AFF3: variants seen among roughly 807,000 people sequenced by gnomAD.
The protein encoded by AFF3 is AF4/FMR2 family member 3.
Under a neutral mutation model 129.7 loss-of-function variants are expected in AFF3, and 32 were observed. That is an observed-to-expected ratio of 0.25 (90% confidence interval 0.19 to 0.33). The LOEUF is 0.33. Among genes scored for constraint, AFF3 ranks in the 10% least tolerant of loss-of-function variants. AFF3 has a pLI of 1.00. For missense variants in AFF3, 1,373 were observed against 1,592.0 expected (o/e 0.86, Z 2.34); for synonymous variants, 644 against 635.4 (o/e 1.01, Z -0.20).
intron 4 of AFF3, among the ~76,000 whole-genome samples, chr2:100,068,845 A>G (rs987848094): frequency 6.6e-6 from 1 of 152,214 alleles, no homozygotes; most frequent in Non-Finnish European, 1.5e-5. Flanking sequence ...CAAGGTCCCC[A>G]TGACAGTCAC....
chr2:99,881,933 G>A (rs911146926), intron 7 of AFF3, among the ~76,000 whole-genome samples: 10 of 152,308 alleles, frequency 6.6e-5, no homozygotes, highest in South Asian at 4.1e-4. Flanking sequence ...ATTTATGCAT[G>A]AGCACACACA....
intron 7 of AFF3, among the ~76,000 whole-genome samples, chr2:99,932,959 T>C (rs780948623): frequency 6.6e-6 from 1 of 152,200 alleles, no homozygotes; most frequent in East Asian, 1.9e-4. Context: ...ATGTTAAATA[T>C]GCTCCTAGAA....
chr2:100,037,850 A>C (rs543573101), intron 4 of AFF3, among the ~76,000 whole-genome samples: 1 of 142,884 alleles, frequency 7.0e-6, no homozygotes, highest in African/African-American at 2.6e-5. Flanking sequence ...TTACAAATAA[A>C]CATATATAAT....
intron 7 of AFF3, among the ~76,000 whole-genome samples, chr2:99,843,612 G>A (rs1488442492): frequency 1.3e-5 from 2 of 152,134 alleles, no homozygotes; most frequent in African/African-American, 2.4e-5. Flanking sequence ...TCCTTTTAAT[G>A]TATTGTATCA....
intron 4 of AFF3, among the ~76,000 whole-genome samples, chr2:100,038,700 C>A (rs1038516173): frequency 7.3e-5 from 11 of 151,546 alleles, no homozygotes; most frequent in Non-Finnish European, 1.0e-4. Flanking sequence ...TGGGACTATG[C>A]AGCATATTTA....
chr2:99,589,035 A>G (rs976187753), intron 15 of AFF3, among the ~76,000 whole-genome samples: 1 of 152,232 alleles, frequency 6.6e-6, no homozygotes, highest in African/African-American at 2.4e-5. Flanking sequence ...AATTTTATGT[A>G]AGTCTTTCTG....
At chr2:99,841,275 T>C (rs2105814067) in intron 7 of AFF3, among the ~76,000 whole-genome samples, 1 of 152,326 alleles carries the variant, frequency 6.6e-6, no homozygotes, top group Admixed American at 6.5e-5. Flanking sequence ...GAGAGAGAAA[T>C]GCAGGATAGA....
chr2:99,713,051 A>G (rs1373533620), intron 11 of AFF3, among the ~76,000 whole-genome samples: 1 of 152,230 alleles, frequency 6.6e-6, no homozygotes, highest in Non-Finnish European at 1.5e-5. Flanking sequence ...GTAAAGAGAC[A>G]GCAATGGTGA....
chr2:99,880,004 T>C (rs1692588727), intron 7 of AFF3, among the ~76,000 whole-genome samples: 1 of 152,232 alleles, frequency 6.6e-6, no homozygotes, highest in Non-Finnish European at 1.5e-5. Flanking sequence ...TAATTGCTAA[T>C]GAAGCCAGAC....
At chr2:100,044,057 C>T (rs1038786499) in intron 4 of AFF3, among the ~76,000 whole-genome samples, 8 of 152,198 alleles carry the variant, frequency 5.3e-5, no homozygotes, top group Non-Finnish European at 1.0e-4. Context: ...GAGCTCACCG[C>T]GGCAGTTTCC....
At chr2:100,009,802 C>G (rs1425522107) in intron 4 of AFF3, among the ~76,000 whole-genome samples, 1 of 152,176 alleles carries the variant, frequency 6.6e-6, no homozygotes, top group Non-Finnish European at 1.5e-5. Context: ...AGGAAATGCA[C>G]TTGTTTTTCT....
At chr2:99,988,266 T>C (rs920734307) in intron 7 of AFF3, among the ~76,000 whole-genome samples, 3 of 152,120 alleles carry the variant, frequency 2.0e-5, no homozygotes, top group African/African-American at 7.2e-5. Flanking sequence ...ATAAAGAAGA[T>C]TTAGTGCCAG....
At chr2:99,849,432 A>T (rs1334559586) in intron 7 of AFF3, among the ~76,000 whole-genome samples, 1 of 152,134 alleles carries the variant, frequency 6.6e-6, no homozygotes, top group Non-Finnish European at 1.5e-5. Context: ...GTAGGCAGGA[A>T]CATGGACCTT....
At chr2:99,960,794 C>G (rs1677145978) in intron 7 of AFF3, among the ~76,000 whole-genome samples, 1 of 152,134 alleles carries the variant, frequency 6.6e-6, no homozygotes. Context: ...TGGATGTCAG[C>G]AGCAGTGCAC....
intron 7 of AFF3, among the ~76,000 whole-genome samples, chr2:99,941,797 A>G (rs897923034): frequency 5.3e-5 from 8 of 152,224 alleles, no homozygotes. Flanking sequence ...AATAGAAGTC[A>G]CACACTAAGG....
At chr2:99,920,398 C>G (rs952571751) in intron 7 of AFF3, among the ~76,000 whole-genome samples, 1 of 151,848 alleles carries the variant, frequency 6.6e-6, no homozygotes, top group African/African-American at 2.4e-5. Context: ...CAGCGTAGTC[C>G]AATATATTAA....
At chr2:99,913,367 G>A (rs987791298) in intron 7 of AFF3, among the ~76,000 whole-genome samples, 1 of 152,176 alleles carries the variant, frequency 6.6e-6, no homozygotes, top group African/African-American at 2.4e-5. Context: ...TATAAATGCA[G>A]AAGCGGGAAC....
At chr2:99,770,608 G>T (rs552647142) in intron 8 of AFF3, among the ~76,000 whole-genome samples, 1 of 152,304 alleles carries the variant, frequency 6.6e-6, no homozygotes, top group South Asian at 2.1e-4. Flanking sequence ...CCTGCAGCCA[G>T]CAGTCTCAGA....
At chr2:100,084,301 A>C (rs188535582) in intron 4 of AFF3, among the ~76,000 whole-genome samples, 4 of 152,338 alleles carry the variant, frequency 2.6e-5, no homozygotes, top group Admixed American at 6.5e-5. Context: ...AACTGTACTA[A>C]ACACTTTACG....
Sources: gnomAD v4.1 joint callset for allele counts (sites outside exome capture counted in the v4.1 genomes callset) on GRCh38, gnomAD v4.1.1 for gene constraint, MANE v1.5 for transcripts, NCBI Gene and HGNC (gene_info 2026-07-23, HGNC 2026-07-21) for gene names.